The following B3GALT1 variants were observed in gnomAD, a reference collection of about 807,000 sequenced individuals.
B3GALT1 encodes UDP-Gal:betaGlcNAc beta 1,3-galactosyltransferase, polypeptide 1.
A neutral mutation model predicts 23.2 loss-of-function variants in B3GALT1; 10 were observed. The observed-to-expected ratio is 0.43, with a 90% confidence interval of 0.27 to 0.73. The LOEUF (loss-of-function observed/expected upper bound fraction) is 0.73. B3GALT1 is among the 30% of genes least tolerant of loss of function. B3GALT1 has a pLI of 0.21. For synonymous variants in B3GALT1, 156 were observed against 141.5 expected, an observed-to-expected ratio of 1.10 and a Z score of -0.73; for missense variants, 299 against 405.4, an observed-to-expected ratio of 0.74 and a Z score of 2.25.
chr2:167,608,437 C>T (rs114030161), intron 2 of B3GALT1, among the ~76,000 whole-genome samples: 1,578 of 152,202 alleles, frequency 0.01, 13 homozygotes, highest in South Asian at 0.034. Flanking sequence ...GAGTTTAAAA[C>T]GCTTGTATTT....
At chr2:167,333,450 A>AGT (rs1161220005) in intron 1 of B3GALT1, among the ~76,000 whole-genome samples, 9 of 152,230 alleles carry the variant, frequency 5.9e-5, no homozygotes, top group Non-Finnish European at 1.0e-4. Context: ...ATACTATCGC[A>AGT]GTACTGCACA....
chr2:167,619,985 A>C (rs899693775), intron 2 of B3GALT1, among the ~76,000 whole-genome samples: 2 of 152,148 alleles, frequency 1.3e-5, no homozygotes, highest in African/African-American at 4.8e-5. Context: ...GCTATTTAAA[A>C]AGCTCAAAGA....
At chr2:167,764,581 T>C (rs1048466534) in intron 3 of B3GALT1, among the ~76,000 whole-genome samples, 4 of 152,206 alleles carry the variant, frequency 2.6e-5, no homozygotes, top group African/African-American at 7.2e-5. Context: ...TTTATACATA[T>C]GTAAAATGAA....
intron 1 of B3GALT1, among the ~76,000 whole-genome samples, chr2:167,308,678 A>AATCTT (rs1275240445): frequency 3.9e-5 from 6 of 151,908 alleles, no homozygotes; most frequent in Non-Finnish European, 5.9e-5. Flanking sequence ...TTTTTTTTAA[A>AATCTT]AGGCTCATTT....
intron 3 of B3GALT1, among the ~76,000 whole-genome samples, chr2:167,648,956 C>G (rs976386412): frequency 6.6e-6 from 1 of 152,058 alleles, no homozygotes; most frequent in African/African-American, 2.4e-5. Flanking sequence ...TGGCTTCTGC[C>G]TGCCTCCACG....
chr2:167,470,871 C>T (rs1463499542), intron 1 of B3GALT1, among the ~76,000 whole-genome samples: 2 of 152,166 alleles, frequency 1.3e-5, no homozygotes, highest in East Asian at 1.9e-4. Context: ...TTTCCACATA[C>T]CTTGATCAAT....
intron 4 of B3GALT1, among the ~76,000 whole-genome samples, chr2:167,866,003 T>C (rs1690210323): frequency 6.6e-6 from 1 of 151,980 alleles, no homozygotes. Context: ...TCCTATCCTC[T>C]TCTTTTACTC....
chr2:167,311,967 G>C (rs1029153882), intron 1 of B3GALT1, among the ~76,000 whole-genome samples: 2 of 151,716 alleles, frequency 1.3e-5, no homozygotes, highest in African/African-American at 2.4e-5. Flanking sequence ...TAAAAAGTCA[G>C]TTCAAAAAGA....
intron 3 of B3GALT1, among the ~76,000 whole-genome samples, chr2:167,668,119 G>C (rs1686241159): frequency 6.6e-6 from 1 of 152,108 alleles, no homozygotes. Flanking sequence ...TGTACAGATG[G>C]GTTTTTGGTG....
intron 3 of B3GALT1, among the ~76,000 whole-genome samples, chr2:167,647,287 T>G (rs529222017): frequency 9.8e-5 from 15 of 152,300 alleles, no homozygotes; most frequent in African/African-American, 3.4e-4. Context: ...TATACTTGAC[T>G]TGGCTTATAT....
At chr2:167,702,189 A>G (rs1372849331) in intron 3 of B3GALT1, among the ~76,000 whole-genome samples, 2 of 152,178 alleles carry the variant, frequency 1.3e-5, no homozygotes, top group Non-Finnish European at 1.5e-5. Context: ...GTATCCCAAC[A>G]TGCCAAAAGC....
chr2:167,853,046 G>A (rs1689934675), intron 4 of B3GALT1, among the ~76,000 whole-genome samples: 1 of 152,116 alleles, frequency 6.6e-6, no homozygotes, highest in South Asian at 2.1e-4. Context: ...CCTATTGATT[G>A]AGTTATTTTC....
At chr2:167,488,676 C>T (rs1040005488) in intron 1 of B3GALT1, among the ~76,000 whole-genome samples, 3 of 152,104 alleles carry the variant, frequency 2.0e-5, no homozygotes, top group African/African-American at 7.2e-5. Flanking sequence ...GTATATACAC[C>T]CATGTAACCA....
Position 167,351,210 on chromosome 2 carries a change from A to T in B3GALT1, c.-511+57876A>T, listed in dbSNP as rs1574044041. Reference sequence around the variant, plus strand: ...CTTGAACCTGGAAAGCGGAGGTTGCAGTGAGCCGAGATCGCATCACTGCAC... The same window carrying T: ...CTTGAACCTGGAAAGCGGAGGTTGCTGTGAGCCGAGATCGCATCACTGCAC... On this transcript the variant is annotated intron_variant, in intron 1 of 4. Coordinates refer to ENST00000392690, the MANE Select transcript of B3GALT1 (RefSeq NM_020981.4). Among the ~76,000 whole-genome samples, 4 of 148,406 alleles carry T rather than the reference A, an allele frequency of 2.7e-5. No individual in the cohort carries two copies. In the East Asian group the frequency reaches 8.7e-4, roughly 32 times the overall value.
intron 3 of B3GALT1, among the ~76,000 whole-genome samples, chr2:167,684,048 T>G (rs1686577830): frequency 6.6e-6 from 1 of 152,200 alleles, no homozygotes; most frequent in Non-Finnish European, 1.5e-5. Flanking sequence ...CCTAGGTTAA[T>G]CGACACCCTC....
intron 1 of B3GALT1, among the ~76,000 whole-genome samples, chr2:167,336,240 T>A (rs987125559): frequency 1.3e-5 from 2 of 152,176 alleles, no homozygotes; most frequent in South Asian, 4.1e-4. Context: ...TCTAAGATGA[T>A]GTGGAATCCT....
At chr2:167,603,991 A>G (rs1684918019) in intron 2 of B3GALT1, among the ~76,000 whole-genome samples, 1 of 152,166 alleles carries the variant, frequency 6.6e-6, no homozygotes, top group Admixed American at 6.5e-5. Context: ...AAAACAACTC[A>G]ATGAGAAATG....
chr2:167,499,575 A>G (rs1699823844), intron 2 of B3GALT1, among the ~76,000 whole-genome samples: 1 of 152,184 alleles, frequency 6.6e-6, no homozygotes, highest in Admixed American at 6.5e-5. Context: ...GTTACCTAAA[A>G]TTAAAAGCCT....
rs539530302 is a variant in B3GALT1, at chr2:167,421,233, C to A, written c.-510-68944C>A. Among the ~76,000 whole-genome samples the A allele has an allele frequency of 3.3e-5, 5 of 152,268 alleles. No homozygotes were observed. The South Asian group carries it at 1.0e-3, about 32-fold the overall frequency. ...CTTAGATAAAATTAGGAATTCTGAT[C>A]TTTAGTTGTACTAGTCACATTGCAA... On this transcript the variant is annotated intron_variant, in intron 1 of 4. Coordinates refer to ENST00000392690, the MANE Select transcript of B3GALT1 (RefSeq NM_020981.4).
Sources: allele counts gnomAD v4.1 joint callset (sites outside exome capture counted in the v4.1 genomes callset), GRCh38; gene constraint gnomAD v4.1.1; transcripts MANE v1.5; gene names NCBI Gene and HGNC (gene_info 2026-07-23, HGNC 2026-07-21).